SPATA6L: variants seen among roughly 807,000 people sequenced by gnomAD.
SPATA6L encodes the protein spermatogenesis associated 6 like, also known as spermatogenesis associated 6-like protein.
A neutral mutation model predicts 49.2 loss-of-function variants in SPATA6L; 68 were observed. The observed-to-expected ratio is 1.38, with a 90% CI of 1.14 to 1.69. The LOEUF is 1.69. Ranked by LOEUF, SPATA6L falls within the 40% of genes most tolerant of loss-of-function variation. The pLI, the probability that SPATA6L is intolerant of heterozygous loss-of-function variation, is 0.00. For missense variants in SPATA6L, 668 were observed against 464.3 expected, an observed-to-expected ratio of 1.44 and a Z score of -4.03; for synonymous variants, 198 against 165.7, an observed-to-expected ratio of 1.19 and a Z score of -1.50.
rs4317627 is a variant in SPATA6L at position 4,606,277 on chromosome 9, C to A, written c.996-837G>T. ...AGGTAAACAAAGCAGCCGGAAGCTCCAACTGGGTGGAGCCCACCACAGCTC... is the reference window on the plus strand; with the variant it reads ...AGGTAAACAAAGCAGCCGGAAGCTCAAACTGGGTGGAGCCCACCACAGCTC... On this transcript the variant is annotated intron_variant, in intron 9 of 11. Coordinates refer to ENST00000682582, the MANE Select transcript of SPATA6L (RefSeq NM_001353486.2). Among the ~76,000 whole-genome samples the A allele has an allele frequency of 9.9e-5, 14 of 141,264 alleles. 1 individual carries two copies. In the South Asian group the frequency reaches 2.6e-3, roughly 26 times the overall value. 92.7% of individuals were successfully genotyped at this position (141,264 alleles called of 152,430 possible). A position where few individuals can be genotyped will look rare whatever the true frequency, so the allele number is the denominator to read the frequency against.
chr9:4,625,025 G>C (rs760405069), intron 6 of SPATA6L, among the ~76,000 whole-genome samples: 4 of 152,100 alleles, frequency 2.6e-5, no homozygotes, highest in Non-Finnish European at 5.9e-5. Flanking sequence ...TCAGTTCATT[G>C]ACTCTTCAAG....
chr9:4,656,388 G>A (rs1382834869), intron 2 of SPATA6L, among the ~76,000 whole-genome samples: 1 of 151,094 alleles, frequency 6.6e-6, no homozygotes, highest in Non-Finnish European at 1.5e-5. Flanking sequence ...GCAGGGAGCC[G>A]AGATGGCATC....
chr9:4,604,127 C>A, intron 11 of SPATA6L, 52 bp downstream of exon 11: 2 of 1,260,046 alleles, frequency 1.6e-6, no homozygotes, highest in South Asian at 2.7e-5. Flanking sequence ...ATTCTTTTAG[C>A]AAACCAAGAT....
chr9:4,622,495 G>A lies in SPATA6L; in HGVS notation c.685C>T (p.Pro229Ser), dbSNP rs377140605. 2 of 1,611,522 alleles carry A rather than the reference G, an allele frequency of 1.2e-6. No homozygotes were observed. Among genetic ancestry groups the A allele is most frequent in the African/African-American group, 1.3e-5 (1 of 74,936 alleles). The part of the protein sequence containing the change: ...FVVRHVDSAK[P>S]FGENISEHHL... ...TGCTCTGAAATATTCTCACCAAAGG[G>A]CTTTGCACTGTCCACCTGAAAGTAA... Residue 229 changes from proline to serine, a missense_variant, in exon 7 of 12, where the codon CCC becomes TCC. Physicochemically the swap from Pro to Ser is moderately conservative, Grantham distance 74 (BLOSUM62 -1). Transcript: ENST00000682582.
chr9:4,623,944 T>G (rs1455014330), intron 6 of SPATA6L, among the ~76,000 whole-genome samples: 1 of 152,248 alleles, frequency 6.6e-6, no homozygotes, highest in Non-Finnish European at 1.5e-5. Context: ...AAGCAACAGC[T>G]GTTGTGTATT....
Position 4,604,223 on chromosome 9 carries a change from T to C in SPATA6L, c.1136A>G (p.Tyr379Cys), listed in dbSNP as rs773957848. ...EVNYIIERPS[Y>C]PLKKYSLHEQ... ...ATGCAGTGAGTATTTCTTCAGAGGG[T>C]AGCTTGGTCTTTCAATGATATAATT... The change falls in exon 11 of 12, where the codon TAC becomes TGC. Residue 379 changes from tyrosine to cysteine, a missense_variant. Transcript: ENST00000682582. 4.3e-6 allele frequency: 7 copies of C among 1,612,086 alleles called. No individual in the cohort carries two copies. The East Asian group carries it at 6.7e-5, about 15-fold the overall frequency.
chr9:4,595,270 T>C (rs773798147), downstream of SPATA6L, among the ~76,000 whole-genome samples: 1 of 152,112 alleles, frequency 6.6e-6, no homozygotes, highest in Non-Finnish European at 1.5e-5. Flanking sequence ...TAAGCACCCC[T>C]AAAATAAGTT....
intron 3 of SPATA6L, among the ~76,000 whole-genome samples, chr9:4,651,840 A>G (rs1157094116): frequency 1.3e-5 from 2 of 152,352 alleles, no homozygotes; most frequent in East Asian, 3.9e-4. Context: ...ATATTTTAAT[A>G]TTACAACTAA....
At chr9:4,629,007 A>G (rs1358474021) in intron 5 of SPATA6L, 84 bp downstream of exon 5, 7 of 895,434 alleles carry the variant, frequency 7.8e-6, no homozygotes, top group African/African-American at 5.1e-5. Flanking sequence ...TGTAAACTTA[A>G]TAAACTGAGT....
intron 3 of SPATA6L, chr9:4,646,508 A>G: frequency 6.6e-7 from 1 of 1,514,708 alleles, no homozygotes; most frequent in Non-Finnish European, 8.8e-7. Context: ...AGCTGTATTA[A>G]TTCAAACCTG....
intron 5 of SPATA6L, chr9:4,628,146 C>G (rs10974662): frequency 2.3e-5 from 4 of 174,988 alleles, no homozygotes; most frequent in African/African-American, 1.1e-4. Flanking sequence ...GGTTAAAGGG[C>G]ACAAAAAAAA....
intron 3 of SPATA6L, among the ~76,000 whole-genome samples, chr9:4,635,855 G>A (rs574773681): frequency 1.3e-5 from 2 of 152,160 alleles, no homozygotes; most frequent in Non-Finnish European, 2.9e-5. Flanking sequence ...GTGATTCTCA[G>A]CAGGGGTACC....
chr9:4,605,606 T>A lies in SPATA6L; in HGVS notation c.996-166A>T, dbSNP rs551655203. On this transcript the variant is annotated intron_variant, in intron 9 of 11. Coordinates refer to ENST00000682582, the MANE Select transcript of SPATA6L (RefSeq NM_001353486.2). ...TCAATGTCTTTCTTAAACCTACCCA[T>A]AGGAAAAGCACTGGGGAATAAAAAC... Among the ~76,000 whole-genome samples the A allele has an allele frequency of 3.3e-5, 5 of 152,338 alleles. No homozygotes were observed. In the East Asian group the frequency reaches 9.6e-4, roughly 29 times the overall value.
chr9:4,643,931 C>T (rs1432672101), intron 3 of SPATA6L, among the ~76,000 whole-genome samples: 8 of 151,842 alleles, frequency 5.3e-5, no homozygotes, highest in Admixed American at 3.9e-4. Context: ...CACTTGAACA[C>T]GGGAGGTGGA....
chr9:4,607,193 G>C (rs1177438328), intron 9 of SPATA6L, among the ~76,000 whole-genome samples: 2 of 152,010 alleles, frequency 1.3e-5, no homozygotes, highest in Non-Finnish European at 2.9e-5. Context: ...GTGACGGGGA[G>C]AATGGAACCA....
intron 13 of SPATA6L, among the ~76,000 whole-genome samples, chr9:4,589,893 A>C (rs1821794453): frequency 6.6e-6 from 1 of 152,178 alleles, no homozygotes; most frequent in African/African-American, 2.4e-5. Context: ...AAAGAAGAAG[A>C]AGCAGGCCTT....
At chr9:4,603,651 T>C (rs1823933257) in intron 11 of SPATA6L, among the ~76,000 whole-genome samples, 1 of 152,150 alleles carries the variant, frequency 6.6e-6, no homozygotes, top group Non-Finnish European at 1.5e-5. Context: ...TCTCATAAGG[T>C]TTCACTCCAG....
intron 3 of SPATA6L, among the ~76,000 whole-genome samples, chr9:4,644,835 T>G (rs301461): frequency 2.0e-5 from 3 of 151,832 alleles, no homozygotes; most frequent in Admixed American, 2.0e-4. Flanking sequence ...TCAGGTCTTA[T>G]GTCACTCAAG....
chr9:4,640,399 C>T (rs1298111269), intron 3 of SPATA6L, among the ~76,000 whole-genome samples: 1 of 152,062 alleles, frequency 6.6e-6, no homozygotes, highest in African/African-American at 2.4e-5. Flanking sequence ...ACTTAATGAT[C>T]ATAACATGTC....
Sources: gnomAD v4.1 joint callset for allele counts (sites outside exome capture counted in the v4.1 genomes callset) on GRCh38, gnomAD v4.1.1 for gene constraint, MANE v1.5 for transcripts, NCBI Gene and HGNC (gene_info 2026-07-23, HGNC 2026-07-21) for gene names.